ABLIM1: variants seen among roughly 807,000 people sequenced by gnomAD.
The protein encoded by ABLIM1 is actin binding LIM protein 1, also known as actin-binding LIM protein 1.
Under a neutral mutation model 107.0 loss-of-function variants are expected in ABLIM1, and 40 were observed. The observed-to-expected ratio is 0.37, with a 90% CI of 0.29 to 0.49. The LOEUF (loss-of-function observed/expected upper bound fraction) is 0.49. ABLIM1 is among the 20% of genes least tolerant of loss of function. The probability of loss-of-function intolerance (pLI) is 0.97; values close to 1 mark genes in which losing one functional copy is unlikely to be tolerated. For synonymous variants in ABLIM1, 357 were observed against 357.3 expected (o/e 1.00, Z 0.01); for missense variants, 857 against 1,008.5 (o/e 0.85, Z 2.04).
chr10:114,506,540 A>T (rs183989410), intron 6 of ABLIM1, among the ~76,000 whole-genome samples: 1 of 152,276 alleles, frequency 6.6e-6, no homozygotes, highest in Admixed American at 6.5e-5. Context: ...TGGCTTTTTA[A>T]TAATAGCCAT....
chr10:114,515,699 G>T (rs1185059565), intron 6 of ABLIM1, among the ~76,000 whole-genome samples: 1 of 152,164 alleles, frequency 6.6e-6, no homozygotes, highest in East Asian at 1.9e-4. Flanking sequence ...TAATTAGTTG[G>T]AATGAGCTCA....
chr10:114,436,793 G>A (rs1023664007), intron 22 of ABLIM1, among the ~76,000 whole-genome samples: 2 of 152,044 alleles, frequency 1.3e-5, no homozygotes, highest in Admixed American at 1.3e-4. Flanking sequence ...GGAATAGGGG[G>A]TAAGGTGGAT....
chr10:114,780,916 T>C, the ABLIM1 span, among the ~76,000 whole-genome samples: 1 of 152,108 alleles, frequency 6.6e-6, no homozygotes, highest in Non-Finnish European at 1.5e-5. Context: ...ACCAAGAGAC[T>C]GGAGAGGGTG....
intron 6 of ABLIM1, among the ~76,000 whole-genome samples, chr10:114,512,933 A>AAAGC (rs997800429): frequency 1.3e-5 from 2 of 151,802 alleles, no homozygotes; most frequent in South Asian, 2.1e-4. Context: ...AGAAAGAGAG[A>AAAGC]AAGCAAGCAA....
At chr10:114,753,293 T>G (rs1442376318) in intron 1 of ABLIM1, among the ~76,000 whole-genome samples, 1 of 152,214 alleles carries the variant, frequency 6.6e-6, no homozygotes, top group Non-Finnish European at 1.5e-5. Flanking sequence ...GAGGGGCGTT[T>G]GAGGAATTCT....
chr10:114,703,021 C>T (rs1033598134), intron 1 of ABLIM1, among the ~76,000 whole-genome samples: 2 of 151,876 alleles, frequency 1.3e-5, no homozygotes, highest in African/African-American at 2.4e-5. Flanking sequence ...TTTGGGAGTA[C>T]CTAGATGAAT....
chr10:114,479,332 C>A (rs1326462662), intron 8 of ABLIM1, among the ~76,000 whole-genome samples: 2 of 152,192 alleles, frequency 1.3e-5, no homozygotes, highest in Non-Finnish European at 2.9e-5. Flanking sequence ...CATACGTGAG[C>A]TACACAGAAC....
chr10:114,626,790 G>C (rs1566130867), intron 1 of ABLIM1, among the ~76,000 whole-genome samples: 1 of 152,276 alleles, frequency 6.6e-6, no homozygotes, highest in East Asian at 1.9e-4. Flanking sequence ...AAGTTAAAAT[G>C]AGATCATTAG....
At chr10:114,621,747 T>C (rs891559275) in intron 1 of ABLIM1, among the ~76,000 whole-genome samples, 5 of 152,172 alleles carry the variant, frequency 3.3e-5, no homozygotes, top group Admixed American at 2.0e-4. Context: ...ATTCATCCAC[T>C]AAATGTAGGA....
chr10:114,527,793 T>C (rs556232300), intron 6 of ABLIM1, among the ~76,000 whole-genome samples: 20 of 151,378 alleles, frequency 1.3e-4, no homozygotes, highest in African/African-American at 4.9e-4. Context: ...GCCTCCTGAG[T>C]AGCTGGGATT....
At chr10:114,592,439 C>G (rs1279211561) in intron 2 of ABLIM1, among the ~76,000 whole-genome samples, 1 of 152,082 alleles carries the variant, frequency 6.6e-6, no homozygotes, top group Non-Finnish European at 1.5e-5. Context: ...CAGAGAGTAA[C>G]AGTGGGGAGG....
intron 3 of ABLIM1, among the ~76,000 whole-genome samples, chr10:114,572,981 C>T (rs1042754322): frequency 1.3e-5 from 2 of 152,206 alleles, no homozygotes; most frequent in Non-Finnish European, 2.9e-5. Flanking sequence ...CCAAGCCTTC[C>T]TTCCCATCCA....
intron 1 of ABLIM1, among the ~76,000 whole-genome samples, chr10:114,751,796 C>T (rs548881877): frequency 6.6e-6 from 1 of 150,722 alleles, no homozygotes; most frequent in Non-Finnish European, 1.5e-5. Flanking sequence ...AACAAACGAA[C>T]TCATGCACAG....
intron 6 of ABLIM1, among the ~76,000 whole-genome samples, chr10:114,532,541 A>C (rs1003316416): frequency 2.0e-5 from 3 of 152,200 alleles, no homozygotes; most frequent in Non-Finnish European, 4.4e-5. Flanking sequence ...CTGGATCCAA[A>C]GGAACAAAAT....
intron 1 of ABLIM1, among the ~76,000 whole-genome samples, chr10:114,626,087 C>A (rs978782882): frequency 6.6e-6 from 1 of 152,134 alleles, no homozygotes; most frequent in African/African-American, 2.4e-5. Flanking sequence ...AAGCTTTGAA[C>A]CTTACCTTGT....
At chr10:114,736,996 C>T (rs2082193382) in intron 1 of ABLIM1, among the ~76,000 whole-genome samples, 1 of 152,120 alleles carries the variant, frequency 6.6e-6, no homozygotes, top group South Asian at 2.1e-4. Context: ...CAAGACCAGC[C>T]TGGCCAACAT....
At chr10:114,570,435 C>G (rs370371940) in intron 4 of ABLIM1, among the ~76,000 whole-genome samples, 9 of 152,264 alleles carry the variant, frequency 5.9e-5, no homozygotes, top group African/African-American at 1.9e-4. Context: ...CTTCAAACCT[C>G]TCCTTAGGTG....
intron 1 of ABLIM1, among the ~76,000 whole-genome samples, chr10:114,730,978 T>C (rs1012887849): frequency 5.3e-5 from 8 of 152,190 alleles, no homozygotes; most frequent in African/African-American, 1.4e-4. Context: ...TATTATAGCA[T>C]GCATGAGCTC....
chr10:114,760,892 A>ATGTAG (rs2082731114), intron 1 of ABLIM1, among the ~76,000 whole-genome samples: 1 of 152,228 alleles, frequency 6.6e-6, no homozygotes, highest in South Asian at 2.1e-4. Context: ...CTTCCAGGAA[A>ATGTAG]TGTAGTGTTT....
Sources: allele counts gnomAD v4.1 joint callset (sites outside exome capture counted in the v4.1 genomes callset), GRCh38; gene constraint gnomAD v4.1.1; transcripts MANE v1.5; gene names NCBI Gene and HGNC (gene_info 2026-07-23, HGNC 2026-07-21).